RGSL1: variants seen among roughly 807,000 people sequenced by gnomAD.
RGSL1 encodes the protein regulator of G protein signaling like 1, also known as regulator of G protein signaling protein-like.
Under a neutral mutation model 124.7 loss-of-function variants are expected in RGSL1, and 97 were observed. The ratio of observed to expected loss-of-function variants is 0.78; its 90% CI spans 0.66 to 0.92. The LOEUF (loss-of-function observed/expected upper bound fraction) is 0.92, where lower values mean the gene tolerates loss of function less well. Ranked by LOEUF, RGSL1 falls within the 40% of genes least tolerant of loss-of-function variation. RGSL1 has a pLI of 0.00. For synonymous variants in RGSL1, 424 were observed against 438.1 expected (o/e 0.97, Z 0.40); for missense variants, 1,233 against 1,288.4 (o/e 0.96, Z 0.66).
rs1209029995 is a variant in RGSL1, at chr1:182,501,343, A to T, written c.1825+8214A>T. 2.0e-4 allele frequency among the ~76,000 whole-genome samples: 13 copies of T among 63,464 alleles called. 1 individual carries two copies. Among genetic ancestry groups the T allele is most frequent in the African/African-American group, 6.9e-4 (11 of 15,996 alleles). 41.6% of individuals were successfully genotyped at this position (63,464 alleles called of 152,430 possible). Reference sequence around the variant, plus strand: ...TTTTTTTTTTTTTTTTTTTTGAGACAGAGTCTTGCTCTGTCGCCCAGGCTG... The same window carrying T: ...TTTTTTTTTTTTTTTTTTTTGAGACTGAGTCTTGCTCTGTCGCCCAGGCTG... On this transcript the variant is annotated intron_variant, in intron 9 of 21. Transcript: ENST00000294854.
intron 18 of RGSL1, 67 bp downstream of exon 18, chr1:182,551,276 C>T (rs1447066256): frequency 7.7e-7 from 1 of 1,293,430 alleles, no homozygotes; most frequent in East Asian, 2.5e-5. Flanking sequence ...AAAGCAAGGG[C>T]CCAAGGGGCC....
chr1:182,541,111 C>T (rs1312027743), intron 15 of RGSL1, among the ~76,000 whole-genome samples: 1 of 152,142 alleles, frequency 6.6e-6, no homozygotes, highest in Non-Finnish European at 1.5e-5. Context: ...AAATTACTCT[C>T]TTCTAGATAT....
intron 9 of RGSL1, among the ~76,000 whole-genome samples, chr1:182,498,885 T>C (rs1571577553): frequency 6.6e-6 from 1 of 151,362 alleles, no homozygotes; most frequent in Admixed American, 6.6e-5. Context: ...CTCCACCTCC[T>C]GGGTTCAAGC....
At chr1:182,506,252 A>G (rs1656797469) in intron 9 of RGSL1, among the ~76,000 whole-genome samples, 1 of 152,198 alleles carries the variant, frequency 6.6e-6, no homozygotes, top group African/African-American at 2.4e-5. Flanking sequence ...AAGACATGTA[A>G]TGTTGAGTGC....
intron 9 of RGSL1, among the ~76,000 whole-genome samples, chr1:182,516,724 T>A (rs1571629633): frequency 6.6e-6 from 1 of 152,186 alleles, no homozygotes; most frequent in South Asian, 2.1e-4. Context: ...AAAATATTTT[T>A]AAAAAATTTT....
chr1:182,557,928 T>A (rs1477998516), intron 21 of RGSL1, among the ~76,000 whole-genome samples: 1 of 152,048 alleles, frequency 6.6e-6, no homozygotes, highest in Non-Finnish European at 1.5e-5. Flanking sequence ...AGTAACGCAG[T>A]CCATGAGAGA....
intron 6 of RGSL1, among the ~76,000 whole-genome samples, chr1:182,478,986 C>T (rs1654495972): frequency 6.6e-6 from 1 of 151,980 alleles, no homozygotes; most frequent in Admixed American, 6.6e-5. Context: ...GAATTCTTTA[C>T]CCAGAAAAAT....
chr1:182,488,794 G>A, intron 7 of RGSL1, 186 bp from the exon 8 acceptor site: 11 of 390,626 alleles, frequency 2.8e-5, no homozygotes, highest in South Asian at 9.6e-5. Context: ...CTTCCTTATA[G>A]AAAATGAGTT....
chr1:182,477,005 T>G (rs1654339624), intron 6 of RGSL1, among the ~76,000 whole-genome samples: 1 of 152,190 alleles, frequency 6.6e-6, no homozygotes, highest in African/African-American at 2.4e-5. Flanking sequence ...ACTAAATACA[T>G]ACATACTCAG....
intron 6 of RGSL1, 83 bp downstream of exon 6, chr1:182,474,625 G>T: frequency 7.0e-7 from 1 of 1,438,176 alleles, no homozygotes; most frequent in Admixed American, 2.8e-5. Context: ...CACCTATACT[G>T]GCTAAGTGAC....
intron 8 of RGSL1, among the ~76,000 whole-genome samples, chr1:182,490,129 A>T (rs1336445392): frequency 6.6e-6 from 1 of 152,160 alleles, no homozygotes. Context: ...ATTATGTTTC[A>T]TGTCATATAA....
chr1:182,450,048 A>G (rs1651689010), upstream of RGSL1: 3 of 1,218,964 alleles, frequency 2.5e-6, no homozygotes, highest in Non-Finnish European at 3.6e-6. Flanking sequence ...TCACTGCCAG[A>G]TAGAATCTGG....
chr1:182,501,690 T>C (rs1656396594), intron 9 of RGSL1, among the ~76,000 whole-genome samples: 1 of 152,182 alleles, frequency 6.6e-6, no homozygotes, highest in African/African-American at 2.4e-5. Flanking sequence ...TTTGCATCTA[T>C]ATCCATAAGG....
At chr1:182,518,899 A>G (rs1020174995) in intron 9 of RGSL1, among the ~76,000 whole-genome samples, 22 of 152,046 alleles carry the variant, frequency 1.4e-4, no homozygotes, top group Non-Finnish European at 2.9e-4. Context: ...TGGGAAGTGA[A>G]GCCAGCATCC....
intron 14 of RGSL1, among the ~76,000 whole-genome samples, chr1:182,534,069 G>C (rs2102279849): frequency 6.6e-6 from 1 of 152,294 alleles, no homozygotes; most frequent in South Asian, 2.1e-4. Context: ...TGACTCTCTT[G>C]ATGACATTTG....
chr1:182,530,411 C>T (rs1484531829), intron 12 of RGSL1, 50 bp downstream of exon 12: 2 of 1,398,056 alleles, frequency 1.4e-6, no homozygotes, highest in Non-Finnish European at 2.0e-6. Context: ...TGCTCCTTGG[C>T]TTCTGAAAGC....
At chr1:182,485,580 C>T (rs1276567967) in intron 6 of RGSL1, among the ~76,000 whole-genome samples, 2 of 152,280 alleles carry the variant, frequency 1.3e-5, no homozygotes, top group East Asian at 1.9e-4. Context: ...TTATCAGACA[C>T]ATATAACCTT....
At chr1:182,492,628 CTT>C (rs34513069) in intron 8 of RGSL1, among the ~76,000 whole-genome samples, 4 of 141,746 alleles carry the variant, frequency 2.8e-5, no homozygotes, top group Non-Finnish European at 3.1e-5. Flanking sequence ...TTTAAATAAC[CTT>C]TTTTTTTTTT....
At position 182,553,506 on chromosome 1, in the gene RGSL1, A is replaced by G; in HGVS notation, c.3095A>G (p.Gln1032Arg). The G allele has an allele frequency of 6.4e-7, 1 of 1,552,042 alleles. No individual in the cohort carries two copies. Among genetic ancestry groups the G allele is most frequent in the Non-Finnish European group, 8.7e-7 (1 of 1,147,048 alleles). ...TTGCTCAGAGGTATTGAGTGGTTGC[A>G]GCCTCAACGGGAAGCAATAAGTTCA... ...FTLLRGIEWL[Q>R]PQREAISSVQ... Residue 1032 changes from glutamine (Q) to arginine (R), a missense_variant, in exon 19 of 22, where the codon CAG (glutamine) becomes CGG (arginine). Coordinates refer to ENST00000294854, the MANE Select transcript of RGSL1 (RefSeq NM_001137669.2).
Sources: allele counts gnomAD v4.1 joint callset (sites outside exome capture counted in the v4.1 genomes callset), GRCh38; gene constraint gnomAD v4.1.1; transcripts MANE v1.5; gene names NCBI Gene and HGNC (gene_info 2026-07-23, HGNC 2026-07-21).